Variants in PPP2R2B observed in about 807,000 individuals in gnomAD.
PPP2R2B encodes protein phosphatase 2 regulatory subunit Bbeta, also known as serine/threonine-protein phosphatase 2A 55 kDa regulatory subunit B beta isoform.
A neutral mutation model predicts 46.0 loss-of-function variants in PPP2R2B; 5 were observed. That is an observed-to-expected ratio of 0.11 (90% CI 0.06 to 0.23). The LOEUF is 0.23. Among genes scored for constraint, PPP2R2B ranks in the 10% least tolerant of loss-of-function variants. The probability of loss-of-function intolerance (pLI) is 1.00; values close to 1 mark genes in which losing one functional copy is unlikely to be tolerated. For missense variants in PPP2R2B, 367 were observed against 575.0 expected (o/e 0.64, Z 3.70); for synonymous variants, 215 against 206.7 (o/e 1.04, Z -0.34).
At chr5:146,951,818 C>T (rs1446030334) in intron 1 of PPP2R2B, among the ~76,000 whole-genome samples, 2 of 152,002 alleles carry the variant, frequency 1.3e-5, no homozygotes, top group Non-Finnish European at 2.9e-5. Flanking sequence ...TAGCAATGAA[C>T]CTATGCATAC....
intron 2 of PPP2R2B, among the ~76,000 whole-genome samples, chr5:146,727,741 T>C (rs1751965030): frequency 6.6e-6 from 1 of 152,160 alleles, no homozygotes; most frequent in African/African-American, 2.4e-5. Context: ...TTGAGATATA[T>C]AATACATTAT....
intron 2 of PPP2R2B, among the ~76,000 whole-genome samples, chr5:146,758,416 G>A (rs879428963): frequency 2.0e-5 from 3 of 151,870 alleles, no homozygotes; most frequent in Non-Finnish European, 2.9e-5. Flanking sequence ...CTTGTTATGA[G>A]GATTCATTAT....
At chr5:146,867,302 G>C (rs1335228958) in intron 2 of PPP2R2B, among the ~76,000 whole-genome samples, 3 of 152,160 alleles carry the variant, frequency 2.0e-5, no homozygotes, top group South Asian at 2.1e-4. Context: ...TTGGGGGACA[G>C]TTCATGCAAG....
chr5:146,593,129 C>T (rs924389985), intron 8 of PPP2R2B, 67 bp from the exon 9 acceptor site: 6 of 1,273,698 alleles, frequency 4.7e-6, no homozygotes, highest in African/African-American at 4.4e-5. Context: ...GCAAACACCT[C>T]CTCTTCTGAT....
chr5:146,762,067 A>G (rs1221809173), intron 2 of PPP2R2B, among the ~76,000 whole-genome samples: 1 of 152,194 alleles, frequency 6.6e-6, no homozygotes, highest in African/African-American at 2.4e-5. Context: ...GTATTTCTTA[A>G]ACAGCTCTGA....
chr5:146,995,287 A>C (rs1294621430), intron 1 of PPP2R2B, among the ~76,000 whole-genome samples: 2 of 152,186 alleles, frequency 1.3e-5, no homozygotes, highest in Non-Finnish European at 2.9e-5. Flanking sequence ...TAAATGTTGT[A>C]TCCCCAGTAC....
chr5:146,841,023 G>A (rs1759607459), intron 2 of PPP2R2B, among the ~76,000 whole-genome samples: 1 of 152,146 alleles, frequency 6.6e-6, no homozygotes, highest in South Asian at 2.1e-4. Context: ...TTGAACTAGA[G>A]TCTCTAATGT....
chr5:146,608,806 C>T (rs929904177), intron 7 of PPP2R2B, among the ~76,000 whole-genome samples: 1 of 152,092 alleles, frequency 6.6e-6, no homozygotes, highest in African/African-American at 2.4e-5. Flanking sequence ...AGACATGTAG[C>T]ACAGTGCCTG....
chr5:146,877,600 G>A (rs1306166850), intron 2 of PPP2R2B, among the ~76,000 whole-genome samples: 1 of 152,052 alleles, frequency 6.6e-6, no homozygotes, highest in Non-Finnish European at 1.5e-5. Flanking sequence ...CAGCCACTGA[G>A]AGACATAACA....
intron 2 of PPP2R2B, among the ~76,000 whole-genome samples, chr5:146,781,163 T>TATATATATATATATATATATAG (rs1755498349): frequency 9.5e-6 from 1 of 105,356 alleles, no homozygotes; most frequent in East Asian, 5.5e-4. Context: ...TATATATATA[T>TATATATATATATATATATATAG]ATATATATAT....
chr5:146,590,054 G>A lies in PPP2R2B; in HGVS notation c.1225C>T (p.Leu409=), dbSNP rs1416509183. The change falls in exon 10 of 10, where the codon CTG becomes TTG. Residue 409 remains leucine, a synonymous_variant. Coordinates refer to ENST00000394411, the MANE Select transcript of PPP2R2B (RefSeq NM_181675.4). ...TGCAAGATCTTTTTGCTAAAGTCCA[G>A]ACTGTCGACACTGATCTCGTCTTTT... ...RRKDEISVDS[L]DFSKKILHTA... is the part of the protein sequence containing the mutation. 9.9e-6 allele frequency: 16 copies of A among 1,614,170 alleles called. No homozygotes were observed. The highest frequency in any genetic ancestry group is 1.3e-5 in the Non-Finnish European group (15 of 1,180,034).
rs58881270 is a variant in PPP2R2B at position 146,734,106 on chromosome 5, G to C, written c.71-32964C>G. Among the ~76,000 whole-genome samples the C allele has an allele frequency of 9.9e-3, 1,504 of 151,158 alleles. 29 individuals are homozygous for C. The highest frequency in any genetic ancestry group is 0.035 in the African/African-American group (1,436 of 41,140). ...GTTTTACTCTGTTGCTGAGGCTGGA[G>C]GGCAGTGGCATGATCACAGCTCACT... On this transcript the variant is annotated intron_variant, in intron 2 of 9. Transcript: ENST00000394411.
intron 9 of PPP2R2B, among the ~76,000 whole-genome samples, 172 bp from the exon 10 acceptor site, chr5:146,590,398 G>GTTTTTT (rs1221281341): frequency 1.8e-5 from 2 of 113,422 alleles, no homozygotes; most frequent in African/African-American, 3.2e-5. Flanking sequence ...TTTTTTTTGT[G>GTTTTTT]TTTTTTTTTT....
At chr5:146,857,132 C>T (rs1760721603) in intron 2 of PPP2R2B, among the ~76,000 whole-genome samples, 1 of 152,000 alleles carries the variant, frequency 6.6e-6, no homozygotes, top group South Asian at 2.1e-4. Context: ...TGGTGCAGGG[C>T]TAGGAGCAGT....
intron 2 of PPP2R2B, among the ~76,000 whole-genome samples, chr5:146,801,884 CGAA>C (rs1756888917): frequency 6.6e-6 from 1 of 152,138 alleles, no homozygotes; most frequent in African/African-American, 2.4e-5. Context: ...AGCCCAAATT[CGAA>C]GATGAGTTAG....
intron 1 of PPP2R2B, among the ~76,000 whole-genome samples, chr5:146,921,524 A>G (rs542167587): frequency 6.6e-6 from 1 of 152,326 alleles, no homozygotes; most frequent in Admixed American, 6.5e-5. Context: ...ACAAGCTTTT[A>G]CTGACACTTA....
intron 2 of PPP2R2B, among the ~76,000 whole-genome samples, chr5:146,827,203 C>G (rs1052103449): frequency 2.6e-5 from 4 of 151,992 alleles, no homozygotes; most frequent in Admixed American, 2.6e-4. Context: ...AGCTGAATTG[C>G]CAGGGAATTA....
intron 1 of PPP2R2B, among the ~76,000 whole-genome samples, chr5:146,913,835 C>T (rs1052484371): frequency 2.0e-5 from 3 of 152,168 alleles, no homozygotes; most frequent in Non-Finnish European, 4.4e-5. Context: ...GGTGATGGGA[C>T]TATTTACTCC....
chr5:146,938,751 CTTTTTTTTTTTTTTTTT>C (rs33961672), intron 1 of PPP2R2B, among the ~76,000 whole-genome samples: 5 of 65,926 alleles, frequency 7.6e-5, no homozygotes, highest in South Asian at 1.4e-3. Flanking sequence ...AGATAATAGC[CTTTTTTTTTTTTTTTTT>C]TTTTTTTTTT....
Sources: allele counts gnomAD v4.1 joint callset (sites outside exome capture counted in the v4.1 genomes callset), GRCh38; gene constraint gnomAD v4.1.1; transcripts MANE v1.5; gene names NCBI Gene and HGNC (gene_info 2026-07-23, HGNC 2026-07-21).